The following ASTN2 variants were observed in gnomAD, a reference collection of about 807,000 sequenced individuals.
The protein encoded by ASTN2 is astrotactin 2, also known as astrotactin-2.
ASTN2 carries 54 observed loss-of-function variants against 139.8 expected under a neutral mutation model. That is an observed-to-expected ratio of 0.39 (90% CI 0.31 to 0.48). ASTN2 has a LOEUF of 0.48. Ranked by LOEUF, ASTN2 falls within the 20% of genes least tolerant of loss-of-function variation. ASTN2 has a pLI of 0.95. For missense variants in ASTN2, 1,565 were observed against 1,725.1 expected (o/e 0.91, Z 1.64); for synonymous variants, 756 against 719.5 (o/e 1.05, Z -0.81).
intron 6 of ASTN2, among the ~76,000 whole-genome samples, chr9:117,023,176 A>G (rs1247601502): frequency 1.3e-5 from 2 of 152,090 alleles, no homozygotes; most frequent in Admixed American, 6.6e-5. Flanking sequence ...TGAATCAAAG[A>G]ATACTGCTCA....
chr9:116,674,215 G>A (rs890009979), intron 16 of ASTN2, among the ~76,000 whole-genome samples: 1 of 152,152 alleles, frequency 6.6e-6, no homozygotes, highest in Admixed American at 6.5e-5. Context: ...CCCTGCACTT[G>A]ATGGATCAGC....
intron 16 of ASTN2, among the ~76,000 whole-genome samples, chr9:116,684,151 G>A (rs1265714027): frequency 6.6e-6 from 1 of 152,176 alleles, no homozygotes; most frequent in African/African-American, 2.4e-5. Context: ...CCATGGCTGA[G>A]CTTGGCTTTT....
At chr9:117,026,713 T>C (rs1461515523) in intron 6 of ASTN2, among the ~76,000 whole-genome samples, 3 of 152,170 alleles carry the variant, frequency 2.0e-5, no homozygotes, top group Non-Finnish European at 4.4e-5. Flanking sequence ...TTGTGATCAG[T>C]CATTAAACAA....
chr9:116,528,571 C>T (rs887367183), intron 19 of ASTN2, among the ~76,000 whole-genome samples: 4 of 152,034 alleles, frequency 2.6e-5, no homozygotes, highest in African/African-American at 9.7e-5. Context: ...CCATCAGCTG[C>T]AAAAAAATTG....
chr9:116,726,341 A>G (rs1046197212), intron 15 of ASTN2, among the ~76,000 whole-genome samples: 1 of 152,220 alleles, frequency 6.6e-6, no homozygotes. Context: ...CCACAATCAT[A>G]TATAATTTGA....
intron 10 of ASTN2, among the ~76,000 whole-genome samples, chr9:116,948,785 G>GTTTTTTTTTTTGTTTTTT (rs1835471236): frequency 1.2e-4 from 6 of 49,474 alleles, no homozygotes; most frequent in Admixed American, 3.8e-4. Context: ...ATAATTTGGT[G>GTTTTTTTTTTTGTTTTTT]TTTTTTTTTT....
intron 19 of ASTN2, among the ~76,000 whole-genome samples, chr9:116,497,947 A>G (rs1849721638): frequency 6.6e-6 from 1 of 152,296 alleles, no homozygotes; most frequent in East Asian, 1.9e-4. Context: ...TAATACTTCC[A>G]ACTTTCTCTG....
intron 10 of ASTN2, among the ~76,000 whole-genome samples, chr9:116,908,082 G>A (rs984540759): frequency 2.6e-5 from 4 of 152,196 alleles, no homozygotes; most frequent in Admixed American, 2.0e-4. Context: ...AAGGCTTGCA[G>A]GGTGAGGCGT....
intron 10 of ASTN2, among the ~76,000 whole-genome samples, chr9:116,880,945 A>G (rs1407784600): frequency 6.6e-6 from 1 of 152,234 alleles, no homozygotes; most frequent in Non-Finnish European, 1.5e-5. Flanking sequence ...AGACACATAA[A>G]GACGTCATGA....
chr9:117,125,871 G>T (rs552821739), intron 4 of ASTN2, among the ~76,000 whole-genome samples: 1 of 152,118 alleles, frequency 6.6e-6, no homozygotes, highest in African/African-American at 2.4e-5. Flanking sequence ...GAGGCGAGGG[G>T]TTTGTGTTTT....
At chr9:117,412,282 C>G (rs1831188045) in intron 1 of ASTN2, among the ~76,000 whole-genome samples, 1 of 152,076 alleles carries the variant, frequency 6.6e-6, no homozygotes, top group African/African-American at 2.4e-5. Flanking sequence ...CCAAAAGGCT[C>G]AGCGCTGCCA....
intron 2 of ASTN2, among the ~76,000 whole-genome samples, chr9:117,251,161 A>G (rs1833526903): frequency 6.6e-6 from 1 of 152,182 alleles, no homozygotes; most frequent in Non-Finnish European, 1.5e-5. Context: ...GCTCAAGGTC[A>G]CAAATGGAAA....
At chr9:116,540,299 A>G (rs929606770) in intron 19 of ASTN2, 1 of 152,190 alleles carries the variant, frequency 6.6e-6, no homozygotes, top group African/African-American at 2.4e-5. Context: ...AAACATAAGG[A>G]AAAGAGAAAA....
intron 10 of ASTN2, among the ~76,000 whole-genome samples, chr9:116,884,803 G>GC (rs759933298): frequency 0.04 from 2,803 of 69,326 alleles, 211 homozygotes; most frequent in African/African-American, 0.15. Context: ...CCAAATATCC[G>GC]CCCCCCCCCC....
chr9:116,888,684 A>C (rs1425162202), intron 10 of ASTN2, among the ~76,000 whole-genome samples: 1 of 147,096 alleles, frequency 6.8e-6, no homozygotes. Flanking sequence ...CACCACACCC[A>C]GCTAATTTTT....
intron 10 of ASTN2, among the ~76,000 whole-genome samples, chr9:116,946,767 G>A (rs1237272969): frequency 2.6e-5 from 4 of 151,940 alleles, no homozygotes; most frequent in African/African-American, 9.7e-5. Context: ...GGCAGGAAAA[G>A]GGTGGGGAGG....
chr9:116,876,358 G>A (rs1397631458), intron 10 of ASTN2, among the ~76,000 whole-genome samples: 3 of 152,192 alleles, frequency 2.0e-5, no homozygotes, highest in Admixed American at 2.0e-4. Context: ...AAAGAAAAGT[G>A]GTTTCTTGAG....
At chr9:116,935,432 C>T (rs896525251) in intron 10 of ASTN2, among the ~76,000 whole-genome samples, 2 of 152,152 alleles carry the variant, frequency 1.3e-5, no homozygotes, top group Admixed American at 1.3e-4. Flanking sequence ...GTAAAGTAAG[C>T]TATGAACCTA....
At chr9:117,277,227 C>G (rs1834214546) in intron 2 of ASTN2, 2 of 152,200 alleles carry the variant, frequency 1.3e-5, no homozygotes, top group African/African-American at 4.8e-5. Flanking sequence ...TTTCAGTGAG[C>G]TGTAAGTTTA....
Sources: allele counts gnomAD v4.1 joint callset (sites outside exome capture counted in the v4.1 genomes callset), GRCh38; gene constraint gnomAD v4.1.1; transcripts MANE v1.5; gene names NCBI Gene and HGNC (gene_info 2026-07-23, HGNC 2026-07-21).